Variants in EML4 observed in about 807,000 individuals in gnomAD.
EML4 encodes echinoderm microtubule-associated protein-like 4.
EML4 carries 72 observed loss-of-function variants against 129.0 expected under a neutral mutation model. The observed-to-expected ratio is 0.56, with a 90% CI of 0.46 to 0.68. The LOEUF (loss-of-function observed/expected upper bound fraction) is 0.68. EML4 is among the 30% of genes least tolerant of loss of function. EML4 has a pLI of 0.00. For synonymous variants in EML4, 532 were observed against 405.0 expected (o/e 1.31, Z -3.77); for missense variants, 1,363 against 1,190.6 (o/e 1.14, Z -2.13).
chr2:42,298,522 T>C (rs2103697001), intron 13 of EML4, among the ~76,000 whole-genome samples: 1 of 152,296 alleles, frequency 6.6e-6, no homozygotes, highest in East Asian at 1.9e-4. Flanking sequence ...GTTTTACAGG[T>C]AAATACTATA....
At chr2:42,286,126 C>T (rs905017622) in intron 9 of EML4, 143 bp from the exon 10 acceptor site, 1 of 684,060 alleles carries the variant, frequency 1.5e-6, no homozygotes, top group African/African-American at 1.8e-5. Context: ...ACTTAAGATT[C>T]ATTTGGAGGC....
intron 1 of EML4, among the ~76,000 whole-genome samples, chr2:42,228,124 G>A (rs915801154): frequency 6.6e-6 from 1 of 152,078 alleles, no homozygotes; most frequent in Non-Finnish European, 1.5e-5. Flanking sequence ...AGGAGGCTGA[G>A]GTATGAGAAT....
intron 13 of EML4, among the ~76,000 whole-genome samples, chr2:42,300,486 A>G (rs1401126479): frequency 6.6e-6 from 1 of 152,202 alleles, no homozygotes; most frequent in Non-Finnish European, 1.5e-5. Flanking sequence ...TGCTATGGGT[A>G]TACAAGAAAA....
At chr2:42,261,423 C>G in intron 4 of EML4, 129 bp downstream of exon 4, 1 of 693,038 alleles carries the variant, frequency 1.4e-6, no homozygotes, top group Non-Finnish European at 2.2e-6. Flanking sequence ...TTCCCTTCTT[C>G]ATTGCTTATA....
chr2:42,243,602 A>G (rs1675178968), intron 1 of EML4, among the ~76,000 whole-genome samples: 1 of 152,250 alleles, frequency 6.6e-6, no homozygotes, highest in Non-Finnish European at 1.5e-5. Flanking sequence ...ATATGGAACC[A>G]GAATTTGAAG....
intron 3 of EML4, among the ~76,000 whole-genome samples, chr2:42,258,198 C>T (rs1453647914): frequency 6.6e-6 from 1 of 152,038 alleles, no homozygotes; most frequent in Non-Finnish European, 1.5e-5. Context: ...AGGAAAATGG[C>T]TCTTTTAGGT....
chr2:42,224,414 C>T (rs2118888), intron 1 of EML4, among the ~76,000 whole-genome samples: 35,507 of 152,040 alleles, frequency 0.23, 4,331 homozygotes, highest in South Asian at 0.35. Context: ...TATTCTGTCA[C>T]ATGGGTATAA....
chr2:42,227,416 A>C (rs1572581734), intron 1 of EML4, among the ~76,000 whole-genome samples: 1 of 148,716 alleles, frequency 6.7e-6, no homozygotes, highest in East Asian at 2.0e-4. Context: ...CTCCATTCTT[A>C]TTTTTTTAAA....
chr2:42,292,691 C>G (rs1176873637), intron 11 of EML4, among the ~76,000 whole-genome samples: 1 of 151,928 alleles, frequency 6.6e-6, no homozygotes, highest in Non-Finnish European at 1.5e-5. Context: ...TGCTGAATAG[C>G]GATGTTTTCA....
chr2:42,209,706 GA>G (rs1672769727), intron 1 of EML4, among the ~76,000 whole-genome samples: 1 of 152,136 alleles, frequency 6.6e-6, no homozygotes, highest in African/African-American at 2.4e-5. Flanking sequence ...GAGGCCTGTG[GA>G]TCACCTGAGG....
intron 21 of EML4, among the ~76,000 whole-genome samples, chr2:42,328,342 T>C (rs1398159400): frequency 6.6e-6 from 1 of 152,198 alleles, no homozygotes; most frequent in Non-Finnish European, 1.5e-5. Context: ...ACGTGTCTTA[T>C]CTTGGGACAT....
In EML4 at chr2:42,259,728, T is replaced by TC. The variant is rs1558549429; in HGVS notation, c.339-1393_339-1392insC. ...TGATTTTGTTTCTTTCTTTCTTTTTTTTTTTTTTTTTTTTTTTTTGAGACG... is the reference window on the plus strand; with the variant it reads ...TGATTTTGTTTCTTTCTTTCTTTTTTCTTTTTTTTTTTTTTTTTTTGAGACG... On this transcript the variant is annotated intron_variant, in intron 3 of 22. Transcript: ENST00000318522. Among the ~76,000 whole-genome samples the TC allele has an allele frequency of 1.6e-3, 202 of 130,126 alleles. 1 individual carries two copies. In the East Asian group the frequency reaches 0.019, roughly 12 times the overall value. 85.4% of individuals were successfully genotyped at this position (130,126 alleles called of 152,430 possible).
chr2:42,216,599 C>T (rs896110160), intron 1 of EML4, among the ~76,000 whole-genome samples: 2 of 152,122 alleles, frequency 1.3e-5, no homozygotes, highest in African/African-American at 4.8e-5. Flanking sequence ...TACAGCTACT[C>T]TCATTAATAT....
rs1667078477 is a variant in EML4 at position 42,282,712 on chromosome 2, C to G, written c.792-111C>G. 4.2e-6 allele frequency: 4 copies of G among 962,920 alleles called. No homozygotes were observed. The Admixed American group carries it at 6.5e-5, about 16-fold the overall frequency. 59.6% of individuals were successfully genotyped at this position (962,920 alleles called of 1,614,324 possible). On this transcript the variant is annotated intron_variant, in intron 7 of 22. Transcript: ENST00000318522. ...CGTCCAGGACATGAGTTTTCTAGTTCTAGTTCAGTCTTCTTCATTGTACCT... is the reference window on the plus strand; with the variant it reads ...CGTCCAGGACATGAGTTTTCTAGTTGTAGTTCAGTCTTCTTCATTGTACCT...
At chr2:42,327,711 T>G (rs191511287) in intron 21 of EML4, among the ~76,000 whole-genome samples, 218 of 152,322 alleles carry the variant, frequency 1.4e-3, no homozygotes, top group African/African-American at 5.1e-3. Flanking sequence ...AGAAGATAGA[T>G]GGAAAAGTTA....
chr2:42,170,586 C>G (rs1394971630), intron 1 of EML4, among the ~76,000 whole-genome samples: 2 of 152,166 alleles, frequency 1.3e-5, no homozygotes, highest in African/African-American at 4.8e-5. Context: ...TATTCGCTGC[C>G]CTAGAAGCTG....
intron 1 of EML4, among the ~76,000 whole-genome samples, chr2:42,209,939 AAAAC>A (rs139230774): frequency 0.13 from 19,043 of 151,744 alleles, 1,182 homozygotes; most frequent in East Asian, 0.18. Flanking sequence ...CAAAACCAAA[AAAAC>A]AAACAAACAA....
At chr2:42,274,636 A>G (rs1170706355) in intron 6 of EML4, among the ~76,000 whole-genome samples, 1 of 152,238 alleles carries the variant, frequency 6.6e-6, no homozygotes, top group Non-Finnish European at 1.5e-5. Context: ...TTTAAAAACC[A>G]TTATTTATAC....
chr2:42,266,305 GA>G (rs1666062551), intron 6 of EML4, among the ~76,000 whole-genome samples: 1 of 152,094 alleles, frequency 6.6e-6, no homozygotes, highest in African/African-American at 2.4e-5. Flanking sequence ...ACTTTAAAGG[GA>G]AAAATGAAAT....
Sources: allele counts gnomAD v4.1 joint callset (sites outside exome capture counted in the v4.1 genomes callset), GRCh38; gene constraint gnomAD v4.1.1; transcripts MANE v1.5; gene names NCBI Gene and HGNC (gene_info 2026-07-23, HGNC 2026-07-21).